The following EGFLAM variants were observed in gnomAD, a reference collection of about 807,000 sequenced individuals.
EGFLAM encodes the protein pikachurin.
Under a neutral mutation model 113.1 loss-of-function variants are expected in EGFLAM, and 79 were observed. The ratio of observed to expected loss-of-function variants is 0.70; its 90% CI spans 0.58 to 0.84. The LOEUF is 0.84. Among genes scored for constraint, EGFLAM ranks in the 40% least tolerant of loss-of-function variants. The pLI is 0.00. For synonymous variants in EGFLAM, 504 were observed against 487.6 expected (o/e 1.03, Z -0.44); for missense variants, 1,265 against 1,291.6 (o/e 0.98, Z 0.32).
intron 6 of EGFLAM, among the ~76,000 whole-genome samples, chr5:38,402,447 A>G (rs989726174): frequency 2.0e-5 from 3 of 152,174 alleles, no homozygotes; most frequent in Non-Finnish European, 4.4e-5. Context: ...GCGATGTATG[A>G]AAAGCTCCTG....
chr5:38,440,110 C>T (rs1178899420), intron 17 of EGFLAM, among the ~76,000 whole-genome samples: 1 of 152,126 alleles, frequency 6.6e-6, no homozygotes, highest in Non-Finnish European at 1.5e-5. Context: ...TGGGGCAGAT[C>T]CCAGTGAGCA....
At chr5:38,430,362 A>G (rs1742150891) in intron 14 of EGFLAM, among the ~76,000 whole-genome samples, 1 of 152,186 alleles carries the variant, frequency 6.6e-6, no homozygotes, top group South Asian at 2.1e-4. Context: ...AACCCATTTC[A>G]CCAGACTCAC....
At position 38,418,244 on chromosome 5, in the gene EGFLAM, G is replaced by C. The variant is rs758911795; in HGVS notation, c.1673G>C (p.Gly558Ala). The change falls in exon 12 of 22, where the codon GGG becomes GCG. Residue 558 changes from glycine (G) to alanine (A), a missense_variant. Physicochemically the swap from Gly to Ala is moderately conservative, Grantham distance 60 (BLOSUM62 0). Transcript: ENST00000322350. ...TGGCCCCTGGGAAAAGCACTCAGTG[G>C]GGCTGATGTGGGTAAGTGGCTGCCT... ...RPWPLGKALS[G>A]ADVGECSSGI... is the part of the protein sequence containing the mutation. The C allele has an allele frequency of 1.9e-6, 3 of 1,613,586 alleles. No homozygotes were observed. Among genetic ancestry groups the C allele is most frequent in the Non-Finnish European group, 2.5e-6 (3 of 1,179,816 alleles).
Position 38,453,667 on chromosome 5 carries a change from A to G in EGFLAM, c.2687+2209A>G, listed in dbSNP as rs117548406. 2.2e-4 allele frequency among the ~76,000 whole-genome samples: 34 copies of G among 152,152 alleles called. No homozygotes were observed. The East Asian group carries it at 6.2e-3, about 28-fold the overall frequency. On this transcript the variant is annotated intron_variant, in intron 19 of 21. Coordinates refer to ENST00000322350, the MANE Select transcript of EGFLAM (RefSeq NM_152403.4). ...TTGAACACGGAGCTCTTCACACCCTATTTCAGGCTGGCTGCCTTGAAGCCA... is the reference window on the plus strand; with the variant it reads ...TTGAACACGGAGCTCTTCACACCCTGTTTCAGGCTGGCTGCCTTGAAGCCA...
In EGFLAM at chr5:38,277,027, G is replaced by T. The variant is rs186594726; in HGVS notation, c.97+18176G>T. On this transcript the variant is annotated intron_variant, in intron 1 of 21. Transcript: ENST00000322350. Reference sequence around the variant, plus strand: ...CTATTTTTCTCAAACTCCTCTAAAAGAATTTAAGAGGAGGGAATACTTCCA... The same window carrying T: ...CTATTTTTCTCAAACTCCTCTAAAATAATTTAAGAGGAGGGAATACTTCCA... 3.9e-4 allele frequency among the ~76,000 whole-genome samples: 59 copies of T among 152,142 alleles called. No individual in the cohort carries two copies. The East Asian group carries it at 0.011, about 28-fold the overall frequency.
At chr5:38,300,397 G>C (rs1758548353) in intron 1 of EGFLAM, among the ~76,000 whole-genome samples, 1 of 142,528 alleles carries the variant, frequency 7.0e-6, no homozygotes, top group South Asian at 2.2e-4. Context: ...TTTTTGAGAT[G>C]GAGTCTCACT....
Position 38,428,955 on chromosome 5 carries a change from C to A in EGFLAM, c.2054+1703C>A, listed in dbSNP as rs558410771. 3.1e-4 allele frequency among the ~76,000 whole-genome samples: 47 copies of A among 152,338 alleles called. No individual in the cohort carries two copies. The South Asian group carries it at 9.8e-3, about 32-fold the overall frequency. On this transcript the variant is annotated intron_variant, in intron 14 of 21. Coordinates refer to ENST00000322350, the MANE Select transcript of EGFLAM (RefSeq NM_152403.4). ...CCCCCTTATCCTATCCCCTCCTGAGCGTAAGCTAACAACAGTGATTACTCT... is the reference window on the plus strand; with the variant it reads ...CCCCCTTATCCTATCCCCTCCTGAGAGTAAGCTAACAACAGTGATTACTCT...
At chr5:38,312,396 C>A (rs1738477494) in intron 1 of EGFLAM, among the ~76,000 whole-genome samples, 1 of 152,104 alleles carries the variant, frequency 6.6e-6, no homozygotes, top group African/African-American at 2.4e-5. Flanking sequence ...CGCCTGCCAC[C>A]TCGCCTGGCT....
At chr5:38,386,473 G>T (rs376702134) in intron 6 of EGFLAM, among the ~76,000 whole-genome samples, 1 of 152,110 alleles carries the variant, frequency 6.6e-6, no homozygotes, top group African/African-American at 2.4e-5. Context: ...GATTACAGGC[G>T]TGAGCCACTG....
chr5:38,388,318 C>T lies in EGFLAM; in HGVS notation c.713-17808C>T, dbSNP rs142954499. On this transcript the variant is annotated intron_variant, in intron 6 of 21. Coordinates refer to ENST00000322350, the MANE Select transcript of EGFLAM (RefSeq NM_152403.4). ...AAGGTCTTACAGAACTCTTAATGTC[C>T]GATCAAAAAATGCAAACCAGGCCAG... Among the ~76,000 whole-genome samples, 114 of 152,194 alleles carry T rather than the reference C, an allele frequency of 7.5e-4. 1 individual carries two copies. The highest frequency in any genetic ancestry group is 2.3e-3 in the African/African-American group (95 of 41,544).
intron 17 of EGFLAM, among the ~76,000 whole-genome samples, chr5:38,439,404 A>G (rs75009529): frequency 0.012 from 1,769 of 151,890 alleles, 40 homozygotes; most frequent in African/African-American, 0.04. Flanking sequence ...AAAAAAAACA[A>G]GCCTGGAAGA....
At chr5:38,318,758 C>G (rs1341452278) in intron 1 of EGFLAM, among the ~76,000 whole-genome samples, 1 of 152,144 alleles carries the variant, frequency 6.6e-6, no homozygotes, top group African/African-American at 2.4e-5. Context: ...CCCGCATCGG[C>G]CTCCCAAAGT....
intron 1 of EGFLAM, among the ~76,000 whole-genome samples, chr5:38,276,555 G>A (rs1987824): frequency 0.41 from 62,914 of 151,700 alleles, 13,572 homozygotes; most frequent in Middle Eastern, 0.58. Flanking sequence ...CAAAATTAGT[G>A]GAAGAGAATA....
chr5:38,401,479 C>G lies in EGFLAM; in HGVS notation c.713-4647C>G, dbSNP rs149628920. On this transcript the variant is annotated intron_variant, in intron 6 of 21. Coordinates refer to ENST00000322350, the MANE Select transcript of EGFLAM (RefSeq NM_152403.4). The stretch of plus-strand genomic sequence containing the variant: ...CTCGGTTTCCATGCTTGTGAAATGA[C>G]AAGATTGGGCTGGATGGTGTTTAGA... 2.4e-3 allele frequency among the ~76,000 whole-genome samples: 363 copies of G among 152,250 alleles called. 2 individuals carry two copies. The highest frequency in any genetic ancestry group is 8.1e-3 in the African/African-American group (336 of 41,542).
At chr5:38,304,419 T>A (rs1758673950) in intron 1 of EGFLAM, among the ~76,000 whole-genome samples, 1 of 152,116 alleles carries the variant, frequency 6.6e-6, no homozygotes, top group Non-Finnish European at 1.5e-5. Context: ...TCCATCACAA[T>A]TGGAGATATG....
At chr5:38,275,798 G>A (rs1274932934) in intron 1 of EGFLAM, among the ~76,000 whole-genome samples, 1 of 152,090 alleles carries the variant, frequency 6.6e-6, no homozygotes, top group Non-Finnish European at 1.5e-5. Flanking sequence ...ACATTCTTCA[G>A]GATACATTAT....
rs780287239 is a variant in EGFLAM at position 38,406,241 on chromosome 5, G to A, written c.828G>A (p.Glu276=). ...DDLDLDISFE[E]VKPLPATKGG... The stretch of plus-strand genomic sequence containing the variant: ...TAGATTTGGATATTTCCTTTGAGGA[G>A]GTAACAATAATCTCTGCTCTTAAAA... Residue 276 remains glutamate, a splice_region_variant and synonymous_variant, in exon 7 of 22, where the codon GAG becomes GAA. Transcript: ENST00000322350. 1.2e-6 allele frequency: 2 copies of A among 1,613,304 alleles called. No individual in the cohort carries two copies. Among genetic ancestry groups the A allele is most frequent in the South Asian group, 2.2e-5 (2 of 91,026 alleles).
intron 20 of EGFLAM, among the ~76,000 whole-genome samples, chr5:38,458,736 T>C (rs1470218201): frequency 6.6e-6 from 1 of 152,114 alleles, no homozygotes; most frequent in African/African-American, 2.4e-5. Flanking sequence ...ATACCAGCAC[T>C]TGGGGAGGCC....
chr5:38,435,942 C>T (rs1303549295), intron 16 of EGFLAM, among the ~76,000 whole-genome samples: 3 of 151,410 alleles, frequency 2.0e-5, no homozygotes, highest in South Asian at 2.1e-4. Context: ...CTTAGCCTCC[C>T]GAATAGCTGG....
Sources: gnomAD v4.1 joint callset for allele counts (sites outside exome capture counted in the v4.1 genomes callset) on GRCh38, gnomAD v4.1.1 for gene constraint, MANE v1.5 for transcripts, NCBI Gene and HGNC (gene_info 2026-07-23, HGNC 2026-07-21) for gene names.